The following BORCS5 variants were observed in gnomAD, a reference collection of about 807,000 sequenced individuals.
The protein encoded by BORCS5 is BLOC-1 related complex subunit 5.
A neutral mutation model predicts 22.1 loss-of-function variants in BORCS5; 17 were observed. The ratio of observed to expected loss-of-function variants is 0.77; its 90% CI spans 0.53 to 1.15. The LOEUF (loss-of-function observed/expected upper bound fraction) is 1.15, where lower values mean the gene tolerates loss of function less well. Among genes scored for constraint, BORCS5 ranks in the 50% most tolerant of loss-of-function variants. The pLI, the probability that BORCS5 is intolerant of heterozygous loss-of-function variation, is 0.00. For synonymous variants in BORCS5, 117 were observed against 99.8 expected (o/e 1.17, Z -1.03); for missense variants, 247 against 253.2 (o/e 0.98, Z 0.17).
intron 3 of BORCS5, chr12:12,452,361 T>C (rs897201431): frequency 3.1e-6 from 2 of 649,536 alleles, no homozygotes; most frequent in African/African-American, 1.8e-5. Context: ...ACATGGAAAA[T>C]CAAATCCAGT....
chr12:12,417,806 T>A (rs1288153600), intron 2 of BORCS5, among the ~76,000 whole-genome samples: 2 of 151,958 alleles, frequency 1.3e-5, no homozygotes, highest in African/African-American at 4.8e-5. Context: ...CATACCCAGT[T>A]AATTTTTATA....
chr12:12,367,779 G>A (rs898448659), intron 2 of BORCS5, among the ~76,000 whole-genome samples: 17 of 152,092 alleles, frequency 1.1e-4, no homozygotes, highest in African/African-American at 4.8e-5. Flanking sequence ...CTCAGATGAG[G>A]TATTCATGCC....
In BORCS5 at chr12:12,465,877, G is replaced by A; in HGVS notation, c.*101G>A. ...ATCTGACCAGGTCTGGAGGCTGGCG[G>A]GAGGCTCCCTGAAAGTGGGTGCGAA... On this transcript the variant is annotated 3_prime_UTR_variant, in exon 4 of 4. Transcript: ENST00000314565. 2.0e-6 allele frequency: 2 copies of A among 1,003,260 alleles called. No homozygotes were observed. The highest frequency in any genetic ancestry group is 2.9e-6 in the Non-Finnish European group (2 of 699,074). The allele number at this position is 1,003,260 out of a possible 1,614,324, so 62.1% of individuals were successfully genotyped here.
chr12:12,387,830 G>T (rs1863915614), intron 2 of BORCS5, among the ~76,000 whole-genome samples: 1 of 151,378 alleles, frequency 6.6e-6, no homozygotes, highest in Non-Finnish European at 1.5e-5. Flanking sequence ...ACAGTTCAGT[G>T]TCACATGTAG....
At chr12:12,391,643 C>T (rs1039732008) in intron 2 of BORCS5, among the ~76,000 whole-genome samples, 3 of 151,456 alleles carry the variant, frequency 2.0e-5, no homozygotes, top group Non-Finnish European at 4.4e-5. Context: ...CCGCCTTGGC[C>T]TCCGAAAGTG....
At chr12:12,418,202 T>G (rs550651341) in intron 2 of BORCS5, among the ~76,000 whole-genome samples, 12 of 131,272 alleles carry the variant, frequency 9.1e-5, no homozygotes, top group Admixed American at 4.4e-4. Flanking sequence ...TTTTTTTTTG[T>G]TTTTTTTTTT....
chr12:12,420,188 G>T (rs554338009), intron 2 of BORCS5, among the ~76,000 whole-genome samples: 30,130 of 128,890 alleles, frequency 0.23, 4,265 homozygotes, highest in African/African-American at 0.43. Context: ...GGTCTAACAT[G>T]TAAGTCTTTA....
intron 2 of BORCS5, among the ~76,000 whole-genome samples, chr12:12,395,356 C>G (rs1941308637): frequency 6.6e-6 from 1 of 151,438 alleles, no homozygotes; most frequent in South Asian, 2.1e-4. Flanking sequence ...GCAGCCTCCG[C>G]TTCCCAGGTT....
intron 2 of BORCS5, among the ~76,000 whole-genome samples, chr12:12,426,685 T>C (rs1942296146): frequency 6.6e-6 from 1 of 152,244 alleles, no homozygotes; most frequent in African/African-American, 2.4e-5. Context: ...AAAATCCTAT[T>C]GTGTGCTAGG....
chr12:12,427,595 C>T (rs1489648286), intron 2 of BORCS5, among the ~76,000 whole-genome samples: 2 of 152,090 alleles, frequency 1.3e-5, no homozygotes, highest in Non-Finnish European at 2.9e-5. Context: ...CCAATAGACT[C>T]GAAAATTTCT....
chr12:12,417,945 A>G (rs1348687780), intron 2 of BORCS5, among the ~76,000 whole-genome samples: 1 of 144,294 alleles, frequency 6.9e-6, no homozygotes, highest in African/African-American at 2.5e-5. Context: ...CTTGATTTGA[A>G]TATTTATAAT....
chr12:12,443,502 C>T (rs934296410), intron 3 of BORCS5, among the ~76,000 whole-genome samples: 1 of 152,212 alleles, frequency 6.6e-6, no homozygotes, highest in African/African-American at 2.4e-5. Context: ...GAGTGGGCTG[C>T]TTCTGGTTCG....
intron 2 of BORCS5, among the ~76,000 whole-genome samples, chr12:12,369,593 G>A (rs545864401): frequency 2.0e-5 from 3 of 150,468 alleles, no homozygotes; most frequent in African/African-American, 7.3e-5. Flanking sequence ...TTTAGTGGTT[G>A]CTCTAGAGGT....
At chr12:12,418,722 C>G (rs1379751248) in intron 2 of BORCS5, among the ~76,000 whole-genome samples, 1 of 152,068 alleles carries the variant, frequency 6.6e-6, no homozygotes. Context: ...GGATGAATAT[C>G]TTTTTCATCC....
intron 3 of BORCS5, among the ~76,000 whole-genome samples, chr12:12,463,402 G>A (rs1267895495): frequency 6.6e-6 from 1 of 152,232 alleles, no homozygotes; most frequent in Non-Finnish European, 1.5e-5. Flanking sequence ...ATGTGATCTA[G>A]TCTTCTTTAA....
chr12:12,374,822 G>A (rs1380760905), intron 2 of BORCS5, among the ~76,000 whole-genome samples: 1 of 151,562 alleles, frequency 6.6e-6, no homozygotes, highest in Non-Finnish European at 1.5e-5. Flanking sequence ...ACCGGGCGTG[G>A]TGGCGCACAG....
intron 2 of BORCS5, among the ~76,000 whole-genome samples, chr12:12,369,824 A>G (rs916496664): frequency 6.9e-6 from 1 of 145,526 alleles, no homozygotes; most frequent in Non-Finnish European, 1.5e-5. Context: ...TCTCCAGTTC[A>G]AGTGATTCTT....
intron 2 of BORCS5, among the ~76,000 whole-genome samples, chr12:12,428,855 A>C (rs1942353369): frequency 6.6e-6 from 1 of 152,218 alleles, no homozygotes; most frequent in Non-Finnish European, 1.5e-5. Flanking sequence ...ACTTTTCTAC[A>C]TTTAAAAATT....
chr12:12,357,088 C>T lies in BORCS5; in HGVS notation c.-364C>T, dbSNP rs748968881. On this transcript the variant is annotated 5_prime_UTR_variant, in exon 1 of 4. Coordinates refer to ENST00000314565, the MANE Select transcript of BORCS5 (RefSeq NM_058169.6). ...TAGCCGGCACCGCCCATCTGCGTCC[C>T]GGAAGGAGCGAGCTTGCGGAGCGTG... The T allele has an allele frequency of 3.3e-6, 5 of 1,533,662 alleles. No homozygotes were observed. In the South Asian group the frequency reaches 4.8e-5, roughly 15 times the overall value.
Sources: allele counts gnomAD v4.1 joint callset (sites outside exome capture counted in the v4.1 genomes callset), GRCh38; gene constraint gnomAD v4.1.1; transcripts MANE v1.5; gene names NCBI Gene and HGNC (gene_info 2026-07-23, HGNC 2026-07-21).